Variants in ALK observed in about 807,000 individuals in gnomAD.
ALK encodes the protein ALK receptor tyrosine kinase, also known as ALK tyrosine kinase receptor.
Under a neutral mutation model 163.1 loss-of-function variants are expected in ALK, and 74 were observed. The ratio of observed to expected loss-of-function variants is 0.45; its 90% CI spans 0.38 to 0.55. ALK has a LOEUF of 0.55. Among genes scored for constraint, ALK ranks in the 20% least tolerant of loss-of-function variants. The pLI is 0.00. For synonymous variants in ALK, 960 were observed against 843.2 expected (o/e 1.14, Z -2.40); for missense variants, 2,063 against 2,105.3 (o/e 0.98, Z 0.39).
chr2:29,313,788 C>T (rs754520229), intron 8 of ALK, among the ~76,000 whole-genome samples: 2 of 152,036 alleles, frequency 1.3e-5, no homozygotes, highest in East Asian at 1.9e-4. Flanking sequence ...TGGCTCCTGT[C>T]GAGAGTTTGG....
rs761628666 is a variant in ALK, at chr2:29,193,569, C to G, written c.4518G>C (p.Thr1506=). The G allele has an allele frequency of 6.2e-7, 1 of 1,614,204 alleles. No individual in the cohort carries two copies. The highest frequency in any genetic ancestry group is 2.2e-5 in the East Asian group (1 of 44,890). ...GTTTCTCTGTAAACCAGGAGCCGTA[C>G]GTTGGGTTCCACAAGCTGGTGGGCT... is the stretch of plus-strand genomic sequence containing the variant. ...RNKPTSLWNP[T]YGSWFTEKPT... is the part of the protein sequence containing the mutation. Residue 1506 remains threonine (T), a synonymous_variant, in exon 29 of 29, where the codon ACG becomes ACC. Transcript: ENST00000389048.
intron 1 of ALK, among the ~76,000 whole-genome samples, chr2:29,822,733 T>C (rs922006624): frequency 2.0e-5 from 3 of 152,244 alleles, no homozygotes; most frequent in Non-Finnish European, 4.4e-5. Context: ...CCAGAAGAGT[T>C]ACTGCAATAG....
At chr2:29,295,199 A>G (rs1037961433) in intron 9 of ALK, among the ~76,000 whole-genome samples, 1 of 152,214 alleles carries the variant, frequency 6.6e-6, no homozygotes, top group East Asian at 1.9e-4. Flanking sequence ...AACAGCCTTT[A>G]ACAGGGAAGA....
chr2:29,774,106 G>A lies in ALK; in HGVS notation c.668-56409C>T, dbSNP rs111961245. ...ATGCCACTTCCCAAAAACGGTCCAG[G>A]TTGGCATTTATATAATGCTATCTTT... On this transcript the variant is annotated intron_variant, in intron 1 of 28. Coordinates refer to ENST00000389048, the MANE Select transcript of ALK (RefSeq NM_004304.5). Among the ~76,000 whole-genome samples the A allele has an allele frequency of 5.9e-3, 896 of 152,292 alleles. 12 individuals carry two copies. The highest frequency in any genetic ancestry group is 0.02 in the African/African-American group (848 of 41,550).
At chr2:29,480,280 T>TA (rs1361262956) in intron 4 of ALK, among the ~76,000 whole-genome samples, 1 of 152,064 alleles carries the variant, frequency 6.6e-6, no homozygotes. Flanking sequence ...TTTATTTATT[T>TA]AAAAAAAGGA....
At chr2:29,594,894 T>TGGGGGG (rs1170679687) in intron 3 of ALK, among the ~76,000 whole-genome samples, 4 of 20,266 alleles carry the variant, frequency 2.0e-4, no homozygotes, top group Admixed American at 6.3e-4. Context: ...TAAACAAAAA[T>TGGGGGG]GGGGGGTGGG....
At chr2:29,484,959 GT>G (rs1011917397) in intron 4 of ALK, among the ~76,000 whole-genome samples, 3 of 151,736 alleles carry the variant, frequency 2.0e-5, no homozygotes, top group African/African-American at 4.8e-5. Context: ...AGCTTTTAGT[GT>G]TTTTTTTCTT....
intron 26 of ALK, among the ~76,000 whole-genome samples, chr2:29,198,668 C>A (rs1204305626): frequency 6.6e-6 from 1 of 152,194 alleles, no homozygotes; most frequent in African/African-American, 2.4e-5. Flanking sequence ...GTGGTAGACA[C>A]ACTCACCAGC....
rs1201273355 is a variant in ALK at position 29,561,017 on chromosome 2, A to G, written c.953-28901T>C. Among the ~76,000 whole-genome samples, 3 of 152,192 alleles carry G rather than the reference A, an allele frequency of 2.0e-5. No homozygotes were observed. The East Asian group carries it at 5.8e-4, about 29-fold the overall frequency. Reference sequence around the variant, plus strand: ...TTAGTCTAATATTATTCTCATTAATATGTAATAATTCTTAATGTAATTTTA... The same window carrying G: ...TTAGTCTAATATTATTCTCATTAATGTGTAATAATTCTTAATGTAATTTTA... On this transcript the variant is annotated intron_variant, in intron 3 of 28. Coordinates refer to ENST00000389048, the MANE Select transcript of ALK (RefSeq NM_004304.5).
chr2:29,342,132 T>TA (rs941683841), intron 5 of ALK, among the ~76,000 whole-genome samples: 14 of 152,276 alleles, frequency 9.2e-5, no homozygotes, highest in African/African-American at 1.4e-4. Context: ...ATGGTTACTA[T>TA]AAAAAAATAG....
At chr2:29,216,774 A>T (rs1276234758) in intron 23 of ALK, among the ~76,000 whole-genome samples, 3 of 147,996 alleles carry the variant, frequency 2.0e-5, no homozygotes, top group Non-Finnish European at 4.5e-5. Flanking sequence ...AGGATGTGTG[A>T]GGTGTGTGTG....
Position 29,253,844 on chromosome 2 carries a change from TTAGATAGATAGA to T in ALK, c.2042-2589_2042-2578del, listed in dbSNP as rs10539749. Among the ~76,000 whole-genome samples, 898 of 143,582 alleles carry T rather than the reference TTAGATAGATAGA, an allele frequency of 6.3e-3. 8 individuals are homozygous for T. The highest frequency in any genetic ancestry group is 0.019 in the African/African-American group (687 of 36,340). The allele number at this position is 143,582 out of a possible 152,430, so 94.2% of individuals were successfully genotyped here. On this transcript the variant is annotated intron_variant, in intron 11 of 28. Coordinates refer to ENST00000389048, the MANE Select transcript of ALK (RefSeq NM_004304.5). ...AAATGAAAGAATACATATATCTATA[TTAGATAGATAGA>T]TAGATAGATAGATAGATAGATAGAT...
At chr2:29,532,199 T>A (rs533063414) in intron 3 of ALK, 83 bp from the exon 4 acceptor site, 4 of 1,330,546 alleles carry the variant, frequency 3.0e-6, no homozygotes, top group Non-Finnish European at 4.2e-6. Flanking sequence ...TAGAGACAAA[T>A]GGCATCAAAA....
At chr2:29,461,546 C>A (rs549058011) in intron 4 of ALK, among the ~76,000 whole-genome samples, 2 of 152,220 alleles carry the variant, frequency 1.3e-5, no homozygotes, top group East Asian at 3.9e-4. Flanking sequence ...ATCTACTCTG[C>A]CTGTGCCCTA....
Position 29,297,077 on chromosome 2 carries a change from C to G in ALK, c.1648-20G>C. 6.2e-7 allele frequency: 1 copy of G among 1,614,078 alleles called. No individual in the cohort carries two copies. The highest frequency in any genetic ancestry group is 8.5e-7 in the Non-Finnish European group (1 of 1,180,010). On this transcript the variant is annotated intron_variant, in intron 8 of 28. Coordinates refer to ENST00000389048, the MANE Select transcript of ALK (RefSeq NM_004304.5). ...TCGGAGCTGTGAGGGCGAGAAGAGT[C>G]AGAGGACAAGGTATGATTGCTGAAA...
intron 4 of ALK, among the ~76,000 whole-genome samples, chr2:29,440,050 G>A (rs1670498056): frequency 6.6e-6 from 1 of 151,910 alleles, no homozygotes; most frequent in Non-Finnish European, 1.5e-5. Context: ...TGGCCAACAT[G>A]GTGAAACCCC....
intron 4 of ALK, among the ~76,000 whole-genome samples, chr2:29,411,001 A>G (rs1243692814): frequency 6.6e-6 from 1 of 152,256 alleles, no homozygotes; most frequent in African/African-American, 2.4e-5. Flanking sequence ...AGCTTAAAAC[A>G]TAAATACGTT....
intron 2 of ALK, among the ~76,000 whole-genome samples, chr2:29,710,687 T>C (rs58874442): frequency 0.17 from 25,455 of 152,116 alleles, 5,431 homozygotes; most frequent in African/African-American, 0.5. Context: ...AATTTTTGTA[T>C]TTTTAGTAGA....
intron 4 of ALK, among the ~76,000 whole-genome samples, chr2:29,468,164 G>C (rs149752619): frequency 6.6e-6 from 1 of 152,060 alleles, no homozygotes; most frequent in African/African-American, 2.4e-5. Flanking sequence ...AAGTAGCTGG[G>C]ACTACAGGCA....
Sources: allele counts gnomAD v4.1 joint callset (sites outside exome capture counted in the v4.1 genomes callset), GRCh38; gene constraint gnomAD v4.1.1; transcripts MANE v1.5; gene names NCBI Gene and HGNC (gene_info 2026-07-23, HGNC 2026-07-21).